Variants in STRN observed in about 807,000 individuals in gnomAD.
The protein encoded by STRN is striatin.
In STRN, 53 loss-of-function variants were observed where a neutral mutation model predicts 96.3. The ratio of observed to expected loss-of-function variants is 0.55; its 90% CI spans 0.44 to 0.69. STRN has a LOEUF of 0.69. Among genes scored for constraint, STRN ranks in the 30% least tolerant of loss-of-function variants. The probability of loss-of-function intolerance (pLI) is 0.00; values close to 1 mark genes in which losing one functional copy is unlikely to be tolerated. For missense variants in STRN, 987 were observed against 963.9 expected, an observed-to-expected ratio of 1.02 and a Z score of -0.32; for synonymous variants, 428 against 355.9, an observed-to-expected ratio of 1.20 and a Z score of -2.28.
chr2:36,916,412 A>C lies in STRN; in HGVS notation c.339-261T>G, dbSNP rs150127513. ...TTAACTCTTCTTTCTGTAATAACAA[A>C]ATGAACGATATAACATCCTGGTTTC... On this transcript the variant is annotated intron_variant, in intron 2 of 17. Coordinates refer to ENST00000263918, the MANE Select transcript of STRN (RefSeq NM_003162.4). Among the ~76,000 whole-genome samples the C allele has an allele frequency of 4.8e-3, 737 of 152,286 alleles. 6 individuals carry two copies. Among genetic ancestry groups the C allele is most frequent in the African/African-American group, 0.016 (680 of 41,568 alleles).
intron 11 of STRN, 116 bp from the exon 12 acceptor site, chr2:36,867,977 C>T: frequency 3.1e-6 from 2 of 640,394 alleles, no homozygotes; most frequent in Non-Finnish European, 5.0e-6. Flanking sequence ...CCATTCTCAA[C>T]TACACGATAC....
At chr2:36,956,418 C>G (rs140068316) in intron 1 of STRN, among the ~76,000 whole-genome samples, 2 of 152,288 alleles carry the variant, frequency 1.3e-5, no homozygotes, top group East Asian at 3.9e-4. Context: ...GAGGCCCATA[C>G]TTTCAACTGT....
chr2:36,858,438 A>G (rs1668403686), intron 13 of STRN, among the ~76,000 whole-genome samples: 1 of 152,188 alleles, frequency 6.6e-6, no homozygotes, highest in South Asian at 2.1e-4. Context: ...CACTTTGGCT[A>G]TACTTCCTTC....
At chr2:36,872,035 T>C (rs949586499) in intron 10 of STRN, among the ~76,000 whole-genome samples, 1 of 152,196 alleles carries the variant, frequency 6.6e-6, no homozygotes, top group African/African-American at 2.4e-5. Context: ...CTGAAAGGCT[T>C]TCATGTGAAA....
At chr2:36,937,216 T>G (rs1401020005) in intron 1 of STRN, among the ~76,000 whole-genome samples, 1 of 151,608 alleles carries the variant, frequency 6.6e-6, no homozygotes, top group African/African-American at 2.4e-5. Context: ...TGGTGGTGCA[T>G]GCCTATAATC....
At chr2:36,893,141 C>G (rs779455934) in intron 7 of STRN, among the ~76,000 whole-genome samples, 10 of 151,990 alleles carry the variant, frequency 6.6e-5, no homozygotes, top group Non-Finnish European at 1.2e-4. Context: ...AGTAATAAAG[C>G]ATAAACATAG....
intron 1 of STRN, among the ~76,000 whole-genome samples, chr2:36,941,948 C>T (rs1670855990): frequency 6.6e-6 from 1 of 152,094 alleles, no homozygotes; most frequent in Non-Finnish European, 1.5e-5. Flanking sequence ...ATGTTGTGGG[C>T]CGGCTATTCG....
chr2:36,884,854 C>A (rs1294577881), intron 8 of STRN, among the ~76,000 whole-genome samples: 1 of 151,996 alleles, frequency 6.6e-6, no homozygotes, highest in Non-Finnish European at 1.5e-5. Context: ...TGGTTTATAA[C>A]TCAATGCTTT....
chr2:36,941,573 G>T (rs1401932886), intron 1 of STRN, among the ~76,000 whole-genome samples: 11 of 151,190 alleles, frequency 7.3e-5, no homozygotes, highest in African/African-American at 2.7e-4. Context: ...TTTTGAGATG[G>T]AGTCTAATTC....
chr2:36,948,892 A>G (rs1489913233), intron 1 of STRN, among the ~76,000 whole-genome samples: 1 of 152,246 alleles, frequency 6.6e-6, no homozygotes, highest in African/African-American at 2.4e-5. Context: ...ATTCCAGAAT[A>G]AACCTTTTGA....
At chr2:36,958,918 C>T (rs890188130) in intron 1 of STRN, among the ~76,000 whole-genome samples, 1 of 152,166 alleles carries the variant, frequency 6.6e-6, no homozygotes, top group African/African-American at 2.4e-5. Context: ...AGATAGAGAC[C>T]ATCCTAGCTG....
intron 1 of STRN, among the ~76,000 whole-genome samples, chr2:36,942,470 T>G (rs1037508389): frequency 6.6e-6 from 1 of 152,162 alleles, no homozygotes; most frequent in Non-Finnish European, 1.5e-5. Context: ...TGTTTGTAAT[T>G]TTTCCCTATT....
chr2:36,888,417 T>C (rs1462702593), intron 7 of STRN, among the ~76,000 whole-genome samples: 3 of 152,200 alleles, frequency 2.0e-5, no homozygotes, highest in African/African-American at 4.8e-5. Context: ...CATTTCTTAC[T>C]ACATTCTCCC....
Position 36,966,504 on chromosome 2 carries a change from AGCGGAGGCAACAGCG to A in STRN, c.-56_-42del, listed in dbSNP as rs569327763. ...CCGGGGAGCTGCCCCGGCGCCCAGC[AGCGGAGGCAACAGCG>A]GCGGCAAGCAGCGCCTCCTCCTCCC... On this transcript the variant is annotated 5_prime_UTR_variant, in exon 1 of 18. Transcript: ENST00000263918. 0.021 allele frequency: 29,476 copies of A among 1,382,532 alleles called. 399 individuals are homozygous for A. The highest frequency in any genetic ancestry group is 0.025 in the Non-Finnish European group (27,049 of 1,072,130). The allele number at this position is 1,382,532 out of a possible 1,614,324, so 85.6% of individuals were successfully genotyped here.
At chr2:36,890,595 T>C (rs1037996074) in intron 7 of STRN, among the ~76,000 whole-genome samples, 1 of 149,034 alleles carries the variant, frequency 6.7e-6, no homozygotes, top group African/African-American at 2.5e-5. Context: ...GTGATTCTCC[T>C]ACCTCAGCCT....
intron 1 of STRN, among the ~76,000 whole-genome samples, chr2:36,956,618 C>G (rs534446089): frequency 4.8e-4 from 73 of 152,326 alleles, no homozygotes; most frequent in Non-Finnish European, 8.7e-4. Context: ...TCCAGATTAT[C>G]TGAACTTTCA....
chr2:36,963,785 C>T (rs1665086753), intron 1 of STRN, among the ~76,000 whole-genome samples: 1 of 151,906 alleles, frequency 6.6e-6, no homozygotes, highest in African/African-American at 2.4e-5. Flanking sequence ...TGTGAAACCC[C>T]GTCTCTACCA....
chr2:36,926,659 G>C (rs1670418634), intron 1 of STRN, among the ~76,000 whole-genome samples: 2 of 152,004 alleles, frequency 1.3e-5, no homozygotes, highest in South Asian at 4.2e-4. Flanking sequence ...TCAAAATGTA[G>C]GTAGTTTGTT....
At chr2:36,917,084 G>C (rs981349502) in intron 2 of STRN, among the ~76,000 whole-genome samples, 14 of 144,958 alleles carry the variant, frequency 9.7e-5, no homozygotes, top group African/African-American at 3.6e-4. Flanking sequence ...AAAAAAGACT[G>C]GGACATTAAT....
Sources: allele counts gnomAD v4.1 joint callset (sites outside exome capture counted in the v4.1 genomes callset), GRCh38; gene constraint gnomAD v4.1.1; transcripts MANE v1.5; gene names NCBI Gene and HGNC (gene_info 2026-07-23, HGNC 2026-07-21).